SLC35F1: variants seen among roughly 807,000 people sequenced by gnomAD.
SLC35F1 encodes the protein chromosome 6 open reading frame 169.
Under a neutral mutation model 48.7 loss-of-function variants are expected in SLC35F1, and 14 were observed. The ratio of observed to expected loss-of-function variants is 0.29; its 90% CI spans 0.19 to 0.45. The LOEUF (loss-of-function observed/expected upper bound fraction) is 0.45, where lower values mean the gene tolerates loss of function less well. Among genes scored for constraint, SLC35F1 ranks in the 20% least tolerant of loss-of-function variants. SLC35F1 has a pLI of 1.00. For missense variants in SLC35F1, 404 were observed against 500.0 expected (o/e 0.81, Z 1.83); for synonymous variants, 190 against 202.2 (o/e 0.94, Z 0.51).
intron 1 of SLC35F1, among the ~76,000 whole-genome samples, chr6:118,041,401 C>T (rs542932419): frequency 6.6e-6 from 1 of 152,258 alleles, no homozygotes; most frequent in East Asian, 1.9e-4. Flanking sequence ...CAGAGCGCTT[C>T]ACTGCCTGTC....
At chr6:118,043,796 G>A (rs1261446198) in intron 1 of SLC35F1, among the ~76,000 whole-genome samples, 1 of 152,188 alleles carries the variant, frequency 6.6e-6, no homozygotes, top group African/African-American at 2.4e-5. Context: ...TGCCAGACAG[G>A]CAGTGTGAAG....
intron 2 of SLC35F1, among the ~76,000 whole-genome samples, chr6:118,166,024 C>G (rs1232413818): frequency 2.0e-5 from 3 of 152,040 alleles, no homozygotes; most frequent in African/African-American, 7.2e-5. Context: ...ATGAACTTCT[C>G]CAAAGACAAG....
At chr6:118,174,127 A>T (rs1401941877) in intron 2 of SLC35F1, among the ~76,000 whole-genome samples, 1 of 152,196 alleles carries the variant, frequency 6.6e-6, no homozygotes, top group Non-Finnish European at 1.5e-5. Flanking sequence ...TGCTTAGTTC[A>T]GTCTCTACTG....
At chr6:118,071,587 T>C (rs888118252) in intron 1 of SLC35F1, among the ~76,000 whole-genome samples, 1 of 152,138 alleles carries the variant, frequency 6.6e-6, no homozygotes, top group African/African-American at 2.4e-5. Flanking sequence ...TGTGGTTTAT[T>C]CCCTTTTTCC....
At chr6:118,108,509 T>A (rs575943144) in intron 1 of SLC35F1, among the ~76,000 whole-genome samples, 26 of 152,284 alleles carry the variant, frequency 1.7e-4, no homozygotes, top group Non-Finnish European at 1.8e-4. Flanking sequence ...GAAGCAAGAA[T>A]CTTCAAAAAT....
intron 1 of SLC35F1, among the ~76,000 whole-genome samples, chr6:118,037,868 G>A (rs1046245983): frequency 6.6e-6 from 1 of 151,822 alleles, no homozygotes; most frequent in South Asian, 2.1e-4. Context: ...GGGGCCTGTT[G>A]GGGGGTGGGG....
chr6:118,007,792 C>G (rs1777192915), intron 1 of SLC35F1, among the ~76,000 whole-genome samples: 2 of 152,092 alleles, frequency 1.3e-5, no homozygotes, highest in African/African-American at 4.8e-5. Flanking sequence ...ACATCTGGAG[C>G]TCAGGGTCTT....
intron 1 of SLC35F1, among the ~76,000 whole-genome samples, chr6:118,034,631 G>A (rs189604786): frequency 1.9e-4 from 29 of 152,168 alleles, no homozygotes; most frequent in Admixed American, 1.8e-3. Flanking sequence ...ACTGGAGTGG[G>A]CCTGTGGTCT....
intron 1 of SLC35F1, among the ~76,000 whole-genome samples, chr6:117,966,128 A>G (rs60060610): frequency 2.9e-4 from 5 of 17,216 alleles, no homozygotes; most frequent in Non-Finnish European, 6.0e-4. Context: ...AAAGCAGGCC[A>G]CCGCCCCCCC....
At chr6:118,121,017 T>C (rs1773545948) in intron 1 of SLC35F1, among the ~76,000 whole-genome samples, 1 of 152,068 alleles carries the variant, frequency 6.6e-6, no homozygotes, top group Non-Finnish European at 1.5e-5. Flanking sequence ...TTATTTCAAG[T>C]AAACTCAAAT....
At chr6:118,291,666 G>A (rs1221085645) in intron 7 of SLC35F1, among the ~76,000 whole-genome samples, 1 of 152,116 alleles carries the variant, frequency 6.6e-6, no homozygotes, top group African/African-American at 2.4e-5. Flanking sequence ...TTCCATATAC[G>A]TCTCCTCTCC....
At chr6:117,960,028 C>T (rs928998857) in intron 1 of SLC35F1, among the ~76,000 whole-genome samples, 2 of 152,032 alleles carry the variant, frequency 1.3e-5, no homozygotes, top group Non-Finnish European at 2.9e-5. Flanking sequence ...TCATCTTACT[C>T]TTTCAAGGAT....
At chr6:118,215,480 G>T (rs1220599449) in intron 2 of SLC35F1, among the ~76,000 whole-genome samples, 2 of 152,022 alleles carry the variant, frequency 1.3e-5, no homozygotes, top group Non-Finnish European at 2.9e-5. Context: ...CGAGACAATG[G>T]TGGGCCATGA....
intron 5 of SLC35F1, 77 bp from the exon 6 acceptor site, chr6:118,277,416 TG>T (rs1017883948): frequency 1.9e-5 from 24 of 1,277,236 alleles, no homozygotes; most frequent in African/African-American, 5.9e-5. Context: ...ATCTGATAAG[TG>T]GGGGGGAAAA....
chr6:118,202,040 A>G (rs1227318291), intron 2 of SLC35F1, among the ~76,000 whole-genome samples: 1 of 152,008 alleles, frequency 6.6e-6, no homozygotes, highest in African/African-American at 2.4e-5. Flanking sequence ...TGTTTTGGAA[A>G]ATAAGAATAA....
chr6:118,218,018 A>G (rs1018270105), intron 2 of SLC35F1, among the ~76,000 whole-genome samples: 11 of 152,174 alleles, frequency 7.2e-5, no homozygotes, highest in African/African-American at 2.4e-4. Flanking sequence ...AGGTCCACAG[A>G]CTGGATGGAT....
intron 1 of SLC35F1, among the ~76,000 whole-genome samples, chr6:118,020,857 C>A (rs1024554272): frequency 2.6e-5 from 4 of 152,010 alleles, no homozygotes; most frequent in African/African-American, 9.7e-5. Flanking sequence ...TATGACTGAG[C>A]ACTTTGTAGT....
At chr6:118,215,084 C>T (rs116702660) in intron 2 of SLC35F1, among the ~76,000 whole-genome samples, 162 of 152,202 alleles carry the variant, frequency 1.1e-3, no homozygotes, top group African/African-American at 3.9e-3. Flanking sequence ...TAGCCTCTCT[C>T]CTGGGTCTGG....
intron 1 of SLC35F1, among the ~76,000 whole-genome samples, chr6:118,146,123 T>C (rs1353526708): frequency 6.6e-6 from 1 of 152,176 alleles, no homozygotes; most frequent in Non-Finnish European, 1.5e-5. Flanking sequence ...ATTATGGAGC[T>C]AATGGAGTGA....
Sources: gnomAD v4.1 joint callset for allele counts (sites outside exome capture counted in the v4.1 genomes callset) on GRCh38, gnomAD v4.1.1 for gene constraint, MANE v1.5 for transcripts, NCBI Gene and HGNC (gene_info 2026-07-23, HGNC 2026-07-21) for gene names.